ANKRD36: variants seen among roughly 807,000 people sequenced by gnomAD.
The protein encoded by ANKRD36 is ankyrin repeat domain-containing protein 36A.
A neutral mutation model predicts 278.1 loss-of-function variants in ANKRD36; 179 were observed. The ratio of observed to expected loss-of-function variants is 0.64; its 90% CI spans 0.57 to 0.73. ANKRD36 has a LOEUF of 0.73. Ranked by LOEUF, ANKRD36 falls within the 30% of genes least tolerant of loss-of-function variation. The pLI is 0.00. For synonymous variants in ANKRD36, 320 were observed against 641.1 expected (o/e 0.50, Z 7.57); for missense variants, 1,159 against 1,956.7 (o/e 0.59, Z 7.69).
At position 97,181,664 on chromosome 2, in the gene ANKRD36, G is replaced by C. The variant is rs544409987; in HGVS notation, c.1764+38G>C. Reference sequence around the variant, plus strand: ...TCATTTATATGTTGAACTATTAACTGTATAGTCTATGAAACCTACTTTACA... The same window carrying C: ...TCATTTATATGTTGAACTATTAACTCTATAGTCTATGAAACCTACTTTACA... On this transcript the variant is annotated intron_variant, in intron 25 of 75. Coordinates refer to ENST00000420699, the MANE Select transcript of ANKRD36 (RefSeq NM_001354587.1). 88 of 1,604,526 alleles carry C rather than the reference G, an allele frequency of 5.5e-5. No individual in the cohort carries two copies. In the African/African-American group the frequency reaches 1.0e-3, roughly 19 times the overall value.
chr2:97,211,031 G>A (rs2064381961), intron 56 of ANKRD36, among the ~76,000 whole-genome samples: 1 of 151,852 alleles, frequency 6.6e-6, no homozygotes, highest in Admixed American at 6.6e-5. Flanking sequence ...ATCAATTTAG[G>A]ACACTTCCAC....
chr2:97,245,753 GA>G lies in ANKRD36; in HGVS notation c.5090del (p.Lys1697ArgfsTer18). ...SELKQKQSQMKDIEKMYKSGY... is the reference protein window; with the variant it reads ...SELKQKQSQMXDIEKMYKSGY... Reference sequence around the variant, plus strand: ...AGCTAAAGCAAAAACAGAGTCAAATGAAGGACATTGAAAAAATGTACAAAAG... The same window carrying G: ...AGCTAAAGCAAAAACAGAGTCAAATGAGGACATTGAAAAAATGTACAAAAG... On this transcript the variant is annotated frameshift_variant, in exon 71 of 76. Coordinates refer to ENST00000420699, the MANE Select transcript of ANKRD36 (RefSeq NM_001354587.1). LOFTEE classifies it high-confidence loss of function. The G allele has an allele frequency of 1.2e-6, 1 of 815,868 alleles. No homozygotes were observed. Among genetic ancestry groups the G allele is most frequent in the South Asian group, 2.1e-5 (1 of 48,740 alleles). 50.5% of individuals were successfully genotyped at this position (815,868 alleles called of 1,614,324 possible).
intron 58 of ANKRD36, among the ~76,000 whole-genome samples, chr2:97,212,360 C>G (rs1252258147): frequency 6.6e-6 from 1 of 151,842 alleles, no homozygotes; most frequent in Non-Finnish European, 1.5e-5. Flanking sequence ...GGAAACTATG[C>G]TAGAATTGGG....
chr2:97,134,670 C>CA (rs1484358079), intron 6 of ANKRD36, among the ~76,000 whole-genome samples: 5 of 152,130 alleles, frequency 3.3e-5, no homozygotes, highest in Admixed American at 1.3e-4. Flanking sequence ...CATAAAGTGA[C>CA]AAAGATTTGT....
At chr2:97,133,511 C>T (rs1189040582) in intron 6 of ANKRD36, among the ~76,000 whole-genome samples, 1 of 151,648 alleles carries the variant, frequency 6.6e-6, no homozygotes, top group Non-Finnish European at 1.5e-5. Flanking sequence ...ATAGATGGTT[C>T]AGTTTTGTTT....
At chr2:97,233,414 A>G (rs1378067721) in intron 67 of ANKRD36, among the ~76,000 whole-genome samples, 3 of 150,818 alleles carry the variant, frequency 2.0e-5, no homozygotes, top group Admixed American at 1.3e-4. Flanking sequence ...ACCTAATTGT[A>G]TGTATAAATA....
At chr2:97,196,330 A>G (rs1206288755) in intron 40 of ANKRD36, among the ~76,000 whole-genome samples, 1 of 151,970 alleles carries the variant, frequency 6.6e-6, no homozygotes, top group Non-Finnish European at 1.5e-5. Flanking sequence ...TAAGACATTG[A>G]TATTGATACG....
chr2:97,132,217 A>G (rs1218910736), intron 6 of ANKRD36, among the ~76,000 whole-genome samples: 1 of 151,072 alleles, frequency 6.6e-6, no homozygotes, highest in Non-Finnish European at 1.5e-5. Flanking sequence ...TGCAGCCTCA[A>G]ACTTTTGATC....
intron 8 of ANKRD36, 30 bp from the exon 9 acceptor site, chr2:97,144,488 G>T (rs1359835012): frequency 6.2e-7 from 1 of 1,602,482 alleles, no homozygotes; most frequent in African/African-American, 1.3e-5. Context: ...ATTTACATAT[G>T]AGTGATTATG....
At chr2:97,192,513 T>C (rs2153569144) in intron 36 of ANKRD36, among the ~76,000 whole-genome samples, 1 of 151,920 alleles carries the variant, frequency 6.6e-6, no homozygotes, top group South Asian at 2.1e-4. Context: ...TAGCACCTGC[T>C]TTGACATTCA....
chr2:97,214,066 A>G (rs1576131035), intron 60 of ANKRD36, among the ~76,000 whole-genome samples: 1 of 151,258 alleles, frequency 6.6e-6, no homozygotes, highest in Non-Finnish European at 1.5e-5. Context: ...GATTTTTCCC[A>G]AGGAAGAGGG....
At chr2:97,121,485 A>G (rs1379931187) in intron 3 of ANKRD36, among the ~76,000 whole-genome samples, 10 of 152,030 alleles carry the variant, frequency 6.6e-5, no homozygotes, top group Non-Finnish European at 1.5e-5. Context: ...CTACAAATAC[A>G]AAAAATTAGC....
chr2:97,220,761 C>T (rs200929945), intron 66 of ANKRD36, among the ~76,000 whole-genome samples: 4,281 of 65,554 alleles, frequency 0.065, 3 homozygotes, highest in Middle Eastern at 0.2. Context: ...TTTTAATTTT[C>T]TTTTTTTTTT....
chr2:97,170,471 AT>A (rs937527454), intron 22 of ANKRD36, among the ~76,000 whole-genome samples: 8 of 152,050 alleles, frequency 5.3e-5, no homozygotes, highest in Admixed American at 2.6e-4. Context: ...TCCCTATTTA[AT>A]AAATGGTGCT....
chr2:97,194,309 T>C (rs960813275), intron 38 of ANKRD36, among the ~76,000 whole-genome samples: 2 of 151,498 alleles, frequency 1.3e-5, no homozygotes, highest in African/African-American at 4.8e-5. Context: ...GCATGAAAAA[T>C]GTTTGTAGTA....
At chr2:97,228,137 G>C (rs1356700338) in intron 67 of ANKRD36, among the ~76,000 whole-genome samples, 1 of 152,082 alleles carries the variant, frequency 6.6e-6, no homozygotes, top group African/African-American at 2.4e-5. Context: ...GTATCAGGAT[G>C]ATGCTGGCCT....
rs765156878 is a variant in ANKRD36, at chr2:97,149,276, A to G, written c.1035-19A>G. The G allele has an allele frequency of 1.1e-5, 17 of 1,529,546 alleles. No homozygotes were observed. Among genetic ancestry groups the G allele is most frequent in the South Asian group, 6.0e-5 (5 of 83,650 alleles). The allele number at this position is 1,529,546 out of a possible 1,614,324, so 94.7% of individuals were successfully genotyped here. ...AGAAATGAATGAGCTCATTTTTGTA[A>G]TATCTTTTTGCTCTGTAGGAGTCTC... On this transcript the variant is annotated intron_variant, in intron 11 of 75. Coordinates refer to ENST00000420699, the MANE Select transcript of ANKRD36 (RefSeq NM_001354587.1).
chr2:97,201,858 T>C (rs2061464755), intron 46 of ANKRD36, among the ~76,000 whole-genome samples: 1 of 151,916 alleles, frequency 6.6e-6, no homozygotes, highest in Non-Finnish European at 1.5e-5. Context: ...AGCACCTGCT[T>C]TGACATTGAT....
chr2:97,197,051 A>T (rs959375482), intron 42 of ANKRD36, among the ~76,000 whole-genome samples: 13 of 151,902 alleles, frequency 8.6e-5, no homozygotes, highest in Non-Finnish European at 1.3e-4. Flanking sequence ...GTCTCTGGGG[A>T]ACAGCATAGT....
Sources: gnomAD v4.1 joint callset for allele counts (sites outside exome capture counted in the v4.1 genomes callset) on GRCh38, gnomAD v4.1.1 for gene constraint, MANE v1.5 for transcripts, NCBI Gene and HGNC (gene_info 2026-07-23, HGNC 2026-07-21) for gene names.